The following SLC25A40 variants were observed in gnomAD, a reference collection of about 807,000 sequenced individuals.
The protein encoded by SLC25A40 is solute carrier family 25 member 40, also known as mitochondrial glutathione transporter SLC25A40.
Under a neutral mutation model 46.5 loss-of-function variants are expected in SLC25A40, and 41 were observed. The ratio of observed to expected loss-of-function variants is 0.88; its 90% CI spans 0.69 to 1.14. SLC25A40 has a LOEUF of 1.14. Ranked by LOEUF, SLC25A40 falls within the 50% of genes most tolerant of loss-of-function variation. SLC25A40 has a pLI of 0.00. For synonymous variants in SLC25A40, 126 were observed against 127.5 expected (o/e 0.99, Z 0.08); for missense variants, 386 against 393.6 (o/e 0.98, Z 0.16).
At chr7:87,854,086 A>T in intron 5 of SLC25A40, 118 bp downstream of exon 5, 1 of 696,208 alleles carries the variant, frequency 1.4e-6, no homozygotes, top group Non-Finnish European at 2.4e-6. Flanking sequence ...AAAAGCAAAG[A>T]AGTAGTTCCC....
At chr7:87,841,965 C>A in intron 9 of SLC25A40, 1 of 371,512 alleles carries the variant, frequency 2.7e-6, no homozygotes, top group Non-Finnish European at 5.2e-6. Flanking sequence ...AGTTGCAGAG[C>A]CACAATTCCA....
chr7:87,869,349 A>T (rs1453796311), intron 1 of SLC25A40, among the ~76,000 whole-genome samples: 1 of 152,082 alleles, frequency 6.6e-6, no homozygotes, highest in Non-Finnish European at 1.5e-5. Context: ...AATGTGGTGA[A>T]ACTCCATCTC....
At chr7:87,873,110 T>C (rs1838920700) in intron 1 of SLC25A40, among the ~76,000 whole-genome samples, 1 of 152,136 alleles carries the variant, frequency 6.6e-6, no homozygotes, top group Admixed American at 6.5e-5. Flanking sequence ...ATATCAATAG[T>C]TGGCAAATGA....
In SLC25A40 at chr7:87,859,717, G is replaced by A. The variant is rs1351094055; in HGVS notation, c.-25+855C>T. On this transcript the variant is annotated intron_variant, in intron 2 of 11. Coordinates refer to ENST00000341119, the MANE Select transcript of SLC25A40 (RefSeq NM_018843.4). ...ATAAAAACAGATTTACATTTTTATT[G>A]CTTGCACGGTAGTTAATTATATTTA... is the stretch of plus-strand genomic sequence containing the variant. Among the ~76,000 whole-genome samples, 4 of 152,072 alleles carry A rather than the reference G, an allele frequency of 2.6e-5. No homozygotes were observed. In the East Asian group the frequency reaches 7.7e-4, roughly 29 times the overall value.
At chr7:87,842,406 G>A (rs942705213) in intron 9 of SLC25A40, 1 of 152,344 alleles carries the variant, frequency 6.6e-6, no homozygotes, top group Admixed American at 6.6e-5. Context: ...TGCAATATTT[G>A]ATACAACAGC....
At chr7:87,863,756 C>T (rs958984499) in intron 1 of SLC25A40, among the ~76,000 whole-genome samples, 8 of 151,920 alleles carry the variant, frequency 5.3e-5, no homozygotes, top group Non-Finnish European at 1.2e-4. Flanking sequence ...TTGAAATGTA[C>T]AACAGATTAT....
intron 6 of SLC25A40, among the ~76,000 whole-genome samples, chr7:87,848,518 C>T (rs1255758234): frequency 6.6e-6 from 1 of 152,182 alleles, no homozygotes; most frequent in Non-Finnish European, 1.5e-5. Context: ...TTCATAATTA[C>T]CATAACATCA....
At chr7:87,873,474 C>G (rs1007375408) in intron 1 of SLC25A40, among the ~76,000 whole-genome samples, 1 of 147,946 alleles carries the variant, frequency 6.8e-6, no homozygotes, top group African/African-American at 2.5e-5. Context: ...GCTCTGTTGC[C>G]CACGCTGGAG....
chr7:87,853,825 CAGAA>C (rs1183319545), intron 5 of SLC25A40, among the ~76,000 whole-genome samples: 3 of 151,756 alleles, frequency 2.0e-5, no homozygotes, highest in South Asian at 2.1e-4. Context: ...AAAAAGGAAA[CAGAA>C]AGAATCCTTG....
chr7:87,860,112 C>A (rs1838674719), intron 2 of SLC25A40: 1 of 151,968 alleles, frequency 6.6e-6, no homozygotes, highest in Non-Finnish European at 1.5e-5. Context: ...CATGAGAATC[C>A]CTTTAACCCA....
At chr7:87,850,023 G>A in intron 5 of SLC25A40, 75 bp from the exon 6 acceptor site, 1 of 886,422 alleles carries the variant, frequency 1.1e-6, no homozygotes, top group Non-Finnish European at 1.7e-6. Context: ...ACTGATGATT[G>A]GTAATTTCAT....
intron 1 of SLC25A40, among the ~76,000 whole-genome samples, chr7:87,875,023 T>C (rs1317660916): frequency 6.6e-6 from 1 of 152,202 alleles, no homozygotes; most frequent in African/African-American, 2.4e-5. Context: ...TAGCTTATAT[T>C]TTGAAAATAA....
Position 87,859,137 on chromosome 7 carries a change from A to G in SLC25A40, c.-24-386T>C, listed in dbSNP as rs115116047. Reference sequence around the variant, plus strand: ...GTCAGATAATACAGAACAGTATAAAAATAACTTATGAACTTACTATTCAAA... The same window carrying G: ...GTCAGATAATACAGAACAGTATAAAGATAACTTATGAACTTACTATTCAAA... On this transcript the variant is annotated intron_variant, in intron 2 of 11. Transcript: ENST00000341119. 5.1e-3 allele frequency among the ~76,000 whole-genome samples: 783 copies of G among 152,312 alleles called. 9 individuals carry two copies. Among genetic ancestry groups the G allele is most frequent in the African/African-American group, 0.018 (734 of 41,572 alleles).
chr7:87,860,229 T>C (rs1838676826), intron 2 of SLC25A40: 1 of 152,098 alleles, frequency 6.6e-6, no homozygotes, highest in Non-Finnish European at 1.5e-5. Flanking sequence ...AAAAACGTCA[T>C]ACAAATTGCC....
intron 6 of SLC25A40, 115 bp from the exon 7 acceptor site, chr7:87,848,092 A>G: frequency 8.4e-7 from 1 of 1,189,780 alleles, no homozygotes; most frequent in Non-Finnish European, 1.1e-6. Flanking sequence ...TGTGTAAGCT[A>G]AAAACTACAA....
rs1838225702 is a variant in SLC25A40, at chr7:87,833,922, G to A, written c.*2327C>T. 6.7e-6 allele frequency: 1 copy of A among 149,668 alleles called. No homozygotes were observed. Among genetic ancestry groups the A allele is most frequent in the South Asian group, 2.1e-4 (1 of 4,778 alleles). The allele number at this position is 149,668 out of a possible 1,614,324, so 9.3% of individuals were successfully genotyped here. ...ATAACCATAATGAATAGTTTTCCTA[G>A]AAAAAAAAATATTGCCTTTTAAAAA... On this transcript the variant is annotated 3_prime_UTR_variant, in exon 12 of 12. Transcript: ENST00000341119.
rs1838239314 is a variant in SLC25A40 at position 87,835,239 on chromosome 7, C to T, written c.*1010G>A. 6.6e-6 allele frequency: 1 copy of T among 151,542 alleles called. No individual in the cohort carries two copies. The highest frequency in any genetic ancestry group is 2.4e-5 in the African/African-American group (1 of 41,362). 9.4% of individuals were successfully genotyped at this position (151,542 alleles called of 1,614,324 possible). A position where few individuals can be genotyped will look rare whatever the true frequency, so the allele number is the denominator to read the frequency against. ...TAAATTATTTAGACATGTATGGTGACTGAAAGCAATGTCTTCAAGGAAACA... is the reference window on the plus strand; with the variant it reads ...TAAATTATTTAGACATGTATGGTGATTGAAAGCAATGTCTTCAAGGAAACA... On this transcript the variant is annotated 3_prime_UTR_variant, in exon 12 of 12. Coordinates refer to ENST00000341119, the MANE Select transcript of SLC25A40 (RefSeq NM_018843.4).
intron 3 of SLC25A40, 41 bp downstream of exon 3, chr7:87,858,590 C>A: frequency 9.3e-7 from 1 of 1,075,862 alleles, no homozygotes; most frequent in Non-Finnish European, 1.4e-6. Flanking sequence ...AGCACTGACT[C>A]ATTCAAAGTT....
chr7:87,848,064 T>TA (rs1056877964), intron 6 of SLC25A40, 87 bp from the exon 7 acceptor site: 1 of 1,410,468 alleles, frequency 7.1e-7, no homozygotes, highest in African/African-American at 1.5e-5. Context: ...TTATATAAGC[T>TA]AAAAAAGTCT....
Sources: gnomAD v4.1 joint callset for allele counts (sites outside exome capture counted in the v4.1 genomes callset) on GRCh38, gnomAD v4.1.1 for gene constraint, MANE v1.5 for transcripts, NCBI Gene and HGNC (gene_info 2026-07-23, HGNC 2026-07-21) for gene names.